STK38L: variants seen among roughly 807,000 people sequenced by gnomAD.
STK38L encodes the protein serine/threonine-protein kinase 38-like.
In STK38L, 28 loss-of-function variants were observed where a neutral mutation model predicts 59.7. That is an observed-to-expected ratio of 0.47 (90% CI 0.35 to 0.64). STK38L has a LOEUF of 0.64. Among genes scored for constraint, STK38L ranks in the 30% least tolerant of loss-of-function variants. STK38L has a pLI of 0.01. For missense variants in STK38L, 314 were observed against 555.8 expected, an observed-to-expected ratio of 0.56 and a Z score of 4.37; for synonymous variants, 162 against 176.8, an observed-to-expected ratio of 0.92 and a Z score of 0.66.
intron 12 of STK38L, among the ~76,000 whole-genome samples, chr12:27,319,849 TAC>T (rs973888969): frequency 5.9e-5 from 9 of 152,222 alleles, no homozygotes; most frequent in Non-Finnish European, 1.2e-4. Flanking sequence ...AGAATTTGCT[TAC>T]AGTTGTTAAT....
intron 3 of STK38L, among the ~76,000 whole-genome samples, chr12:27,304,742 G>C (rs528452403): frequency 9.5e-4 from 145 of 152,142 alleles, no homozygotes; most frequent in African/African-American, 3.3e-3. Context: ...TTAATTTGAA[G>C]TGTAGGGGAA....
chr12:27,322,496 G>T lies in STK38L; in HGVS notation c.*41G>T. 6.3e-7 allele frequency: 1 copy of T among 1,597,772 alleles called. No individual in the cohort carries two copies. Among genetic ancestry groups the T allele is most frequent in the East Asian group, 2.2e-5 (1 of 44,816 alleles). ...ACCCATAACCAAGAGAACTCAGGTA[G>T]CTGCATCACCAGGCTTGCTTGGCGT... is the stretch of plus-strand genomic sequence containing the variant. On this transcript the variant is annotated 3_prime_UTR_variant, in exon 14 of 14. Transcript: ENST00000389032.
At chr12:27,284,167 C>CT (rs895159148) in intron 1 of STK38L, among the ~76,000 whole-genome samples, 14 of 152,168 alleles carry the variant, frequency 9.2e-5, no homozygotes, top group African/African-American at 3.4e-4. Flanking sequence ...AGTGCTAGGG[C>CT]TATTAGATGC....
chr12:27,304,258 CAAAAAAA>C (rs34994566), intron 3 of STK38L, among the ~76,000 whole-genome samples: 1 of 62,866 alleles, frequency 1.6e-5, no homozygotes, highest in South Asian at 5.6e-4. Context: ...GAGTCTGTCT[CAAAAAAA>C]AAAAAAAAAA....
intron 1 of STK38L, among the ~76,000 whole-genome samples, chr12:27,285,940 A>G (rs2136629916): frequency 6.6e-6 from 1 of 152,334 alleles, no homozygotes; most frequent in East Asian, 1.9e-4. Context: ...TCTAGTCACC[A>G]GTGGAAAAGC....
At position 27,308,940 on chromosome 12, in the gene STK38L, AATAT is replaced by A. The variant is rs969526681; in HGVS notation, c.310-166_310-163del. Among the ~76,000 whole-genome samples the A allele has an allele frequency of 3.5e-5, 5 of 144,762 alleles. No individual in the cohort carries two copies. The highest frequency in any genetic ancestry group is 4.2e-4 in the South Asian group (2 of 4,712). The allele number at this position is 144,762 out of a possible 152,430, so 95.0% of individuals were successfully genotyped here. On this transcript the variant is annotated intron_variant, in intron 4 of 13. Transcript: ENST00000389032. This position sits in a 1 kb window ranked among gnomAD's most constrained non-coding sequence, Gnocchi z 4.5. ...TATTAATATATATAAAATATATATA[AATAT>A]ATATATAACATATATAAAAATATAT...
intron 6 of STK38L, among the ~76,000 whole-genome samples, chr12:27,313,014 C>T (rs1197765479): frequency 1.3e-5 from 2 of 151,616 alleles, no homozygotes; most frequent in Admixed American, 6.6e-5. Context: ...TTTGGGAGGC[C>T]GAGGCGGATG....
intron 1 of STK38L, among the ~76,000 whole-genome samples, chr12:27,291,048 A>G (rs1367366059): frequency 6.6e-6 from 1 of 152,110 alleles, no homozygotes; most frequent in Non-Finnish European, 1.5e-5. Flanking sequence ...TGCAAATCAG[A>G]TAGGATTTGA....
chr12:27,251,886 A>G (rs937190795), intron 1 of STK38L, among the ~76,000 whole-genome samples: 1 of 152,244 alleles, frequency 6.6e-6, no homozygotes, highest in South Asian at 2.1e-4. Context: ...AACTAAAACA[A>G]TTATGATAAA....
At chr12:27,260,706 C>G (rs1424088594) in intron 1 of STK38L, among the ~76,000 whole-genome samples, 2 of 152,118 alleles carry the variant, frequency 1.3e-5, no homozygotes, top group Admixed American at 6.5e-5. Context: ...TCAATGAAAC[C>G]TTCTGATGTC....
At chr12:27,271,544 T>C (rs1301981376) in intron 1 of STK38L, among the ~76,000 whole-genome samples, 1 of 152,186 alleles carries the variant, frequency 6.6e-6, no homozygotes. Context: ...TGGGGGGTAG[T>C]TAGTAGAGAA....
At chr12:27,311,234 C>T (rs1032652133) in intron 5 of STK38L, among the ~76,000 whole-genome samples, 8 of 152,196 alleles carry the variant, frequency 5.3e-5, no homozygotes, top group Admixed American at 6.5e-5. Flanking sequence ...AATAGGTAGG[C>T]ACTCTTGCTA....
chr12:27,251,156 T>TCCC (rs1942967959), intron 1 of STK38L, among the ~76,000 whole-genome samples: 1 of 152,178 alleles, frequency 6.6e-6, no homozygotes, highest in African/African-American at 2.4e-5. Flanking sequence ...CCCTTCCTTT[T>TCCC]TTGGTAATTT....
In STK38L at chr12:27,322,965, T is replaced by A. The variant is rs1214278503; in HGVS notation, c.*510T>A. ...TATTGGTTTGGACATCTGTAGAATATATATGAAGACAATTTCTGTAATGGT... is the reference window on the plus strand; with the variant it reads ...TATTGGTTTGGACATCTGTAGAATAAATATGAAGACAATTTCTGTAATGGT... On this transcript the variant is annotated 3_prime_UTR_variant, in exon 14 of 14. Coordinates refer to ENST00000389032, the MANE Select transcript of STK38L (RefSeq NM_015000.4). The A allele has an allele frequency of 6.6e-6, 1 of 152,230 alleles. No homozygotes were observed. The highest frequency in any genetic ancestry group is 1.5e-5 in the Non-Finnish European group (1 of 68,048). 9.4% of individuals were successfully genotyped at this position (152,230 alleles called of 1,614,324 possible). A position where few individuals can be genotyped will look rare whatever the true frequency, so the allele number is the denominator to read the frequency against.
chr12:27,297,444 G>C (rs535863100), intron 1 of STK38L, among the ~76,000 whole-genome samples: 20 of 152,264 alleles, frequency 1.3e-4, no homozygotes, highest in Non-Finnish European at 2.6e-4. Context: ...GTATATAAAT[G>C]TGTCTATATT....
intron 1 of STK38L, among the ~76,000 whole-genome samples, chr12:27,255,771 A>G (rs1302462078): frequency 6.6e-6 from 1 of 152,132 alleles, no homozygotes; most frequent in African/African-American, 2.4e-5. Context: ...GATATCTTCA[A>G]TAACTTCTCT....
intron 8 of STK38L, 47 bp downstream of exon 8, chr12:27,315,164 T>C (rs774686883): frequency 6.3e-7 from 1 of 1,582,766 alleles, no homozygotes; most frequent in Admixed American, 1.7e-5. Context: ...TAAGATACTG[T>C]AGAGAACAGA....
chr12:27,248,412 C>T (rs1471428049), intron 1 of STK38L, among the ~76,000 whole-genome samples: 1 of 152,148 alleles, frequency 6.6e-6, no homozygotes, highest in Non-Finnish European at 1.5e-5. Flanking sequence ...TGTAAATGTC[C>T]ACCTGATTTT....
chr12:27,245,325 A>G (rs1196271195), intron 1 of STK38L, among the ~76,000 whole-genome samples: 3 of 152,326 alleles, frequency 2.0e-5, no homozygotes, highest in South Asian at 4.1e-4. Context: ...GAAATGGCCT[A>G]TTAGCTTATT....
Sources: allele counts gnomAD v4.1 joint callset (sites outside exome capture counted in the v4.1 genomes callset), GRCh38; gene constraint gnomAD v4.1.1; non-coding constraint Gnocchi (gnomAD v3.1); transcripts MANE v1.5; gene names NCBI Gene and HGNC (gene_info 2026-07-23, HGNC 2026-07-21).